The following TMEM117 variants were observed in gnomAD, a reference collection of about 807,000 sequenced individuals.
TMEM117 encodes the protein transmembrane protein 117.
A neutral mutation model predicts 52.4 loss-of-function variants in TMEM117; 27 were observed. The ratio of observed to expected loss-of-function variants is 0.51; its 90% CI spans 0.38 to 0.71. The LOEUF is 0.71. TMEM117 is among the 30% of genes least tolerant of loss of function. The probability of loss-of-function intolerance (pLI) is 0.00; values close to 1 mark genes in which losing one functional copy is unlikely to be tolerated. For missense variants in TMEM117, 556 were observed against 630.5 expected, an observed-to-expected ratio of 0.88 and a Z score of 1.26; for synonymous variants, 215 against 206.3, an observed-to-expected ratio of 1.04 and a Z score of -0.36.
intron 6 of TMEM117, among the ~76,000 whole-genome samples, chr12:44,354,663 G>A (rs4238094): frequency 0.58 from 87,021 of 151,278 alleles, 25,361 homozygotes; most frequent in East Asian, 0.9. Context: ...TTGATGGGAC[G>A]TATCTCAAAA....
chr12:44,342,235 C>T (rs760591676), intron 6 of TMEM117, among the ~76,000 whole-genome samples: 34 of 152,098 alleles, frequency 2.2e-4, no homozygotes, highest in Non-Finnish European at 4.1e-4. Context: ...TTCGATTTAG[C>T]TTTGCTCTCT....
chr12:44,310,900 G>C (rs575149280), intron 6 of TMEM117, among the ~76,000 whole-genome samples: 1 of 152,198 alleles, frequency 6.6e-6, no homozygotes, highest in Non-Finnish European at 1.5e-5. Flanking sequence ...GGAAATACGA[G>C]TTTAAAATTA....
At chr12:43,971,920 C>T (rs962205321) in intron 3 of TMEM117, among the ~76,000 whole-genome samples, 2 of 152,338 alleles carry the variant, frequency 1.3e-5, no homozygotes, top group South Asian at 2.1e-4. Context: ...CCCATCCCTC[C>T]AGCCCCTGGC....
At chr12:43,951,329 G>C (rs1945217740) in intron 3 of TMEM117, among the ~76,000 whole-genome samples, 1 of 152,220 alleles carries the variant, frequency 6.6e-6, no homozygotes, top group Non-Finnish European at 1.5e-5. Flanking sequence ...TTAAGCCAGG[G>C]AGCCAAGTGG....
chr12:43,954,930 A>G (rs942486760), intron 3 of TMEM117, among the ~76,000 whole-genome samples: 1 of 152,226 alleles, frequency 6.6e-6, no homozygotes, highest in Admixed American at 6.5e-5. Context: ...CAAAAAGCTT[A>G]TCCACCACGA....
chr12:44,130,120 C>T (rs544520597), intron 3 of TMEM117, among the ~76,000 whole-genome samples: 4 of 152,024 alleles, frequency 2.6e-5, no homozygotes, highest in South Asian at 2.1e-4. Context: ...AGTTACCATT[C>T]GTTGAAACTT....
chr12:44,063,467 C>CT lies in TMEM117; in HGVS notation c.411-80048dup, dbSNP rs930061860. 5.7e-3 allele frequency among the ~76,000 whole-genome samples: 841 copies of CT among 148,578 alleles called. 7 individuals carry two copies. The highest frequency in any genetic ancestry group is 0.019 in the African/African-American group (751 of 40,576). ...AAATTTGTCAATCCTAGGTTTGTTT[C>CT]TTTTTTTTTTATTATTATACTTTAA... On this transcript the variant is annotated intron_variant, in intron 3 of 7. Coordinates refer to ENST00000266534, the MANE Select transcript of TMEM117 (RefSeq NM_032256.3).
At chr12:44,058,489 A>G (rs968410951) in intron 3 of TMEM117, among the ~76,000 whole-genome samples, 8 of 152,202 alleles carry the variant, frequency 5.3e-5, no homozygotes, top group Non-Finnish European at 8.8e-5. Flanking sequence ...CCATTTAAAA[A>G]TGAACCAAAT....
At chr12:43,945,109 C>CTAAATAAATAAATAAATAAA (rs71091187) in intron 3 of TMEM117, among the ~76,000 whole-genome samples, 13,773 of 141,492 alleles carry the variant, frequency 0.097, 819 homozygotes, top group African/African-American at 0.13. Context: ...GACTCCGTCT[C>CTAAATAAATAAATAAATAAA]TAAATAAATA....
At chr12:43,999,235 A>T (rs904257607) in intron 3 of TMEM117, among the ~76,000 whole-genome samples, 1 of 152,182 alleles carries the variant, frequency 6.6e-6, no homozygotes, top group Non-Finnish European at 1.5e-5. Flanking sequence ...ATGTTCACTT[A>T]GTAAGAATTC....
intron 3 of TMEM117, among the ~76,000 whole-genome samples, chr12:44,001,558 A>G (rs1946117013): frequency 6.6e-6 from 1 of 152,246 alleles, no homozygotes; most frequent in African/African-American, 2.4e-5. Flanking sequence ...TGGGGGCTAC[A>G]CGGAGGAAAC....
At chr12:44,015,709 ATAAG>A (rs1339875997) in intron 3 of TMEM117, among the ~76,000 whole-genome samples, 4 of 152,198 alleles carry the variant, frequency 2.6e-5, no homozygotes, top group Non-Finnish European at 5.9e-5. Flanking sequence ...AAACAATAAA[ATAAG>A]TAGTAGTATA....
intron 3 of TMEM117, among the ~76,000 whole-genome samples, chr12:43,979,033 TGA>T (rs2137714883): frequency 6.6e-6 from 1 of 151,758 alleles, no homozygotes; most frequent in Admixed American, 6.6e-5. Context: ...GTTAAATGCC[TGA>T]GAGAGTCTAG....
At chr12:43,846,102 CTT>C (rs964680626) in intron 2 of TMEM117, among the ~76,000 whole-genome samples, 6 of 148,958 alleles carry the variant, frequency 4.0e-5, no homozygotes, top group Admixed American at 6.7e-5. Flanking sequence ...CTCTCTCTCT[CTT>C]TTTTTTTTGA....
At chr12:44,361,493 C>G (rs1287200723) in intron 6 of TMEM117, among the ~76,000 whole-genome samples, 2 of 152,118 alleles carry the variant, frequency 1.3e-5, no homozygotes, top group African/African-American at 4.8e-5. Context: ...TTCTTGGAGG[C>G]AAGAATTTTG....
intron 3 of TMEM117, among the ~76,000 whole-genome samples, chr12:44,091,803 C>T (rs1248842408): frequency 6.6e-6 from 1 of 152,178 alleles, no homozygotes; most frequent in African/African-American, 2.4e-5. Flanking sequence ...TTTAAAACTG[C>T]ATGTTTCTAG....
chr12:44,263,153 G>C (rs1017608150), intron 5 of TMEM117, among the ~76,000 whole-genome samples: 1 of 151,932 alleles, frequency 6.6e-6, no homozygotes, highest in African/African-American at 2.4e-5. Context: ...TAATAATATC[G>C]TGAAATAAAT....
At chr12:43,856,528 A>C (rs1428306797) in intron 2 of TMEM117, among the ~76,000 whole-genome samples, 3 of 152,070 alleles carry the variant, frequency 2.0e-5, no homozygotes, top group Non-Finnish European at 2.9e-5. Flanking sequence ...CCCCATCACA[A>C]TCCTCCTCCT....
chr12:44,019,098 T>G lies in TMEM117; in HGVS notation c.410+74756T>G, dbSNP rs141816305. On this transcript the variant is annotated intron_variant, in intron 3 of 7. Coordinates refer to ENST00000266534, the MANE Select transcript of TMEM117 (RefSeq NM_032256.3). ...GGCAGAGGCCAGGGAAGGAGGAGAT[T>G]TATGTATTCAAATTGCCTATAGAGT... 2.0e-5 allele frequency among the ~76,000 whole-genome samples: 3 copies of G among 152,220 alleles called. No individual in the cohort carries two copies. In the East Asian group the frequency reaches 5.8e-4, roughly 29 times the overall value.
Sources: gnomAD v4.1 joint callset for allele counts (sites outside exome capture counted in the v4.1 genomes callset) on GRCh38, gnomAD v4.1.1 for gene constraint, MANE v1.5 for transcripts, NCBI Gene and HGNC (gene_info 2026-07-23, HGNC 2026-07-21) for gene names.